The following CAP1 variants were observed in gnomAD, a reference collection of about 807,000 sequenced individuals.
CAP1 encodes cyclase associated actin cytoskeleton regulatory protein 1, also known as adenylyl cyclase-associated protein 1.
CAP1 carries 11 observed loss-of-function variants against 58.2 expected under a neutral mutation model. The observed-to-expected ratio is 0.19, with a 90% CI of 0.12 to 0.31. The LOEUF (loss-of-function observed/expected upper bound fraction) is 0.31. CAP1 is among the 10% of genes least tolerant of loss of function. The pLI is 1.00. For synonymous variants in CAP1, 183 were observed against 213.8 expected, an observed-to-expected ratio of 0.86 and a Z score of 1.26; for missense variants, 423 against 587.5, an observed-to-expected ratio of 0.72 and a Z score of 2.89.
chr1:40,058,660 T>C (rs1646716174), intron 1 of CAP1, among the ~76,000 whole-genome samples: 1 of 152,012 alleles, frequency 6.6e-6, no homozygotes, highest in Non-Finnish European at 1.5e-5. Flanking sequence ...GGGTGGAGCT[T>C]GCAGTGAGCT....
chr1:40,071,212 C>T (rs916614143), intron 12 of CAP1, among the ~76,000 whole-genome samples: 4 of 152,112 alleles, frequency 2.6e-5, no homozygotes, highest in African/African-American at 9.7e-5. Context: ...AGCCATGGCA[C>T]CTTGTCAGGC....
rs74068028 is a variant in CAP1, at chr1:40,070,003, G to A, written c.993+129G>A. 2,771 of 1,383,960 alleles carry A rather than the reference G, an allele frequency of 2.0e-3. 10 individuals are homozygous for A. The highest frequency in any genetic ancestry group is 0.012 in the African/African-American group (837 of 68,620). 85.7% of individuals were successfully genotyped at this position (1,383,960 alleles called of 1,614,324 possible). On this transcript the variant is annotated intron_variant, in intron 9 of 12. Transcript: ENST00000372805. Reference sequence around the variant, plus strand: ...CGGCTTACCGCAACCTCCGCCTCCCGGGGAAAAGGAGTAGGAACAGGAGGT... The same window carrying A: ...CGGCTTACCGCAACCTCCGCCTCCCAGGGAAAAGGAGTAGGAACAGGAGGT...
chr1:40,056,339 C>T (rs1646616483), intron 1 of CAP1, among the ~76,000 whole-genome samples: 1 of 151,690 alleles, frequency 6.6e-6, no homozygotes, highest in African/African-American at 2.4e-5. Flanking sequence ...CTCTGTCACC[C>T]AGGCTGGAGT....
chr1:40,061,861 G>T (rs1646867906), intron 4 of CAP1, 49 bp downstream of exon 4: 1 of 1,319,746 alleles, frequency 7.6e-7, no homozygotes, highest in South Asian at 1.2e-5. Flanking sequence ...CTCAGGACGA[G>T]TTGAGAGATT....
chr1:40,051,661 C>T (rs1215478841), intron 1 of CAP1, among the ~76,000 whole-genome samples: 4 of 152,108 alleles, frequency 2.6e-5, no homozygotes, highest in South Asian at 2.1e-4. Context: ...CCGCAAGCTC[C>T]GCCTCCCGGG....
At chr1:40,052,296 T>G (rs1646411991) in intron 1 of CAP1, among the ~76,000 whole-genome samples, 1 of 152,234 alleles carries the variant, frequency 6.6e-6, no homozygotes, top group Non-Finnish European at 1.5e-5. Flanking sequence ...ATTATGTGAC[T>G]GTGTAAAGTT....
At position 40,041,262 on chromosome 1, in the gene CAP1, A is replaced by T. The variant is rs374678058; in HGVS notation, c.-11+461A>T. Among the ~76,000 whole-genome samples the T allele has an allele frequency of 3.2e-3, 484 of 152,236 alleles. 1 individual carries two copies. The highest frequency in any genetic ancestry group is 0.011 in the African/African-American group (472 of 41,546). ...CCCAGTTCTTCCCGTGTTGCTCGGA[A>T]CCTCTCTAACTTGGGATGGTCTTCC... On this transcript the variant is annotated intron_variant, in intron 1 of 12. Transcript: ENST00000372805.
chr1:40,065,805 T>C (rs1189752226), intron 6 of CAP1, among the ~76,000 whole-genome samples: 1 of 152,232 alleles, frequency 6.6e-6, no homozygotes, highest in Non-Finnish European at 1.5e-5. Flanking sequence ...AGTTCCACAG[T>C]GATACTTAAG....
intron 1 of CAP1, among the ~76,000 whole-genome samples, chr1:40,049,530 C>A (rs1352459497): frequency 6.6e-6 from 1 of 152,174 alleles, no homozygotes; most frequent in South Asian, 2.1e-4. Context: ...GGTTTCAAAC[C>A]ACAATAGACA....
In CAP1 at chr1:40,069,761, C is replaced by T. The variant is rs748537032; in HGVS notation, c.880C>T (p.Arg294Cys). ...PALKAQSGPV[R>C]SGPKPFSAPK... ...CCTGAAGGCTCAGAGTGGTCCAGTA[C>T]GCAGTGGCCCCAAACCATTCTCTGC... is the stretch of plus-strand genomic sequence containing the variant. Residue 294 changes from arginine (R) to cysteine (C), a missense_variant, in exon 9 of 13, where the codon CGC (arginine) becomes TGC (cysteine). Transcript: ENST00000372805. 6.8e-6 allele frequency: 11 copies of T among 1,613,668 alleles called. No homozygotes were observed. Among genetic ancestry groups the T allele is most frequent in the African/African-American group, 1.3e-5 (1 of 74,980 alleles).
chr1:40,059,484 T>C, intron 2 of CAP1, 26 bp downstream of exon 2: 1 of 1,390,934 alleles, frequency 7.2e-7, no homozygotes, highest in Non-Finnish European at 1.0e-6. Context: ...CCCAGCAGAA[T>C]GCTTTCTTTG....
intron 1 of CAP1, among the ~76,000 whole-genome samples, chr1:40,047,279 A>C (rs982556320): frequency 1.3e-5 from 2 of 152,330 alleles, no homozygotes; most frequent in South Asian, 4.1e-4. Flanking sequence ...TTATTTCTTG[A>C]TGTACTATAT....
Position 40,070,504 on chromosome 1 carries a change from A to G in CAP1, c.1192A>G (p.Lys398Glu), listed in dbSNP as rs1305229398. 2.5e-6 allele frequency: 4 copies of G among 1,613,444 alleles called. No homozygotes were observed. Residue 398 changes from lysine to glutamate, a missense_variant, in exon 11 of 13, where the codon AAA becomes GAA. By Grantham distance (56) the Lys-to-Glu change is moderately conservative (BLOSUM62 1). Transcript: ENST00000372805. ...GGAGATAATCAACAGTAAGGATGTC[A>G]AAGTTCAGGTAACTCGATATTTTGG... ...IVEIINSKDV[K>E]VQVMGKVPTI... is the part of the protein sequence containing the mutation.
At position 40,069,765 on chromosome 1, in the gene CAP1, G is replaced by A; in HGVS notation, c.884G>A (p.Ser295Asn). The A allele has an allele frequency of 6.2e-7, 1 of 1,613,514 alleles. No homozygotes were observed. Among genetic ancestry groups the A allele is most frequent in the Non-Finnish European group, 8.5e-7 (1 of 1,179,860 alleles). ...ALKAQSGPVR[S>N]GPKPFSAPKP... ...AAGGCTCAGAGTGGTCCAGTACGCAGTGGCCCCAAACCATTCTCTGCACCT... is the reference window on the plus strand; with the variant it reads ...AAGGCTCAGAGTGGTCCAGTACGCAATGGCCCCAAACCATTCTCTGCACCT... The change falls in exon 9 of 13, where the codon AGT (serine) becomes AAT (asparagine). Residue 295 changes from serine (S) to asparagine (N), a missense_variant. Coordinates refer to ENST00000372805, the MANE Select transcript of CAP1 (RefSeq NM_006367.4).
intron 8 of CAP1, among the ~76,000 whole-genome samples, chr1:40,068,157 T>C (rs1408429544): frequency 1.3e-5 from 2 of 152,348 alleles, no homozygotes; most frequent in South Asian, 4.1e-4. Flanking sequence ...AAGTCTGAGT[T>C]GTCCAGCCAC....
At chr1:40,044,584 T>G (rs1331314774) in intron 1 of CAP1, among the ~76,000 whole-genome samples, 3 of 152,124 alleles carry the variant, frequency 2.0e-5, no homozygotes, top group African/African-American at 7.2e-5. Flanking sequence ...AAGAATAAAT[T>G]CTGAACTCTT....
chr1:40,060,302 C>T (rs987116066), intron 3 of CAP1, 132 bp downstream of exon 3: 2 of 622,862 alleles, frequency 3.2e-6, no homozygotes, highest in African/African-American at 3.7e-5. Context: ...CATGTTCTTT[C>T]TCTTTTGCCT....
intron 12 of CAP1, 44 bp from the exon 13 acceptor site, chr1:40,071,406 T>C (rs746196093): frequency 5.1e-6 from 7 of 1,382,594 alleles, no homozygotes; most frequent in Non-Finnish European, 7.2e-6. Context: ...CCCCAGCTGT[T>C]CTTTAGCTCA....
At chr1:40,044,881 C>T (rs1007270900) in intron 1 of CAP1, among the ~76,000 whole-genome samples, 1 of 146,722 alleles carries the variant, frequency 6.8e-6, no homozygotes, top group African/African-American at 2.5e-5. Context: ...ACTGCAAGCT[C>T]AGCCTCCCGG....
Sources: gnomAD v4.1 joint callset for allele counts (sites outside exome capture counted in the v4.1 genomes callset) on GRCh38, gnomAD v4.1.1 for gene constraint, MANE v1.5 for transcripts, NCBI Gene and HGNC (gene_info 2026-07-23, HGNC 2026-07-21) for gene names.